Variants in GARIN2 observed in about 807,000 individuals in gnomAD.
GARIN2 encodes Golgi-associated RAB2 interactor protein 2.
At chr14:67,201,563 C>T in the GARIN2 span, 3 of 455,376 alleles carry the variant, frequency 6.6e-6, no homozygotes, top group Non-Finnish European at 1.3e-5. Flanking sequence ...AGGATACCTC[C>T]TGTATGTCTT....
chr14:67,219,063 G>A, the GARIN2 span, among the ~76,000 whole-genome samples: 34 of 152,028 alleles, frequency 2.2e-4, no homozygotes, highest in African/African-American at 8.2e-4. Context: ...TCCAGAGGTG[G>A]CTCTGGTCTC....
chr14:67,225,780 G>A, the GARIN2 span, among the ~76,000 whole-genome samples: 8 of 152,202 alleles, frequency 5.3e-5, no homozygotes, highest in African/African-American at 1.4e-4. Flanking sequence ...AAGTTTGTTC[G>A]AAACACCAGC....
chr14:67,226,470 C>T, the GARIN2 span, among the ~76,000 whole-genome samples: 1 of 152,248 alleles, frequency 6.6e-6, no homozygotes. Context: ...AAGAGATTCT[C>T]CTGCTTCAGC....
the GARIN2 span, chr14:67,204,467 A>T: frequency 1.4e-6 from 2 of 1,463,778 alleles, no homozygotes; most frequent in Non-Finnish European, 1.8e-6. Flanking sequence ...ATATATATAT[A>T]TATAAGAAAG....
chr14:67,221,928 T>A, the GARIN2 span: 1 of 1,229,620 alleles, frequency 8.1e-7, no homozygotes, highest in Admixed American at 2.4e-5. Context: ...TTTGATGCAT[T>A]TCCTTTCTTC....
chr14:67,189,759 C>A, the GARIN2 span: 1 of 151,776 alleles, frequency 6.6e-6, no homozygotes, highest in African/African-American at 2.4e-5. Context: ...CACCTGGTGA[C>A]TGCTTTTCTT....
At chr14:67,209,853 T>G in the GARIN2 span, among the ~76,000 whole-genome samples, 1 of 147,104 alleles carries the variant, frequency 6.8e-6, no homozygotes, top group Non-Finnish European at 1.5e-5. Context: ...CGAAAAAGTA[T>G]AATAGATTAC....
At chr14:67,222,698 C>G in the GARIN2 span, among the ~76,000 whole-genome samples, 1 of 152,154 alleles carries the variant, frequency 6.6e-6, no homozygotes, top group Non-Finnish European at 1.5e-5. Context: ...ATAGGCACCT[C>G]TTATAGGTTG....
At chr14:67,193,731 C>T in the GARIN2 span, among the ~76,000 whole-genome samples, 9 of 146,360 alleles carry the variant, frequency 6.1e-5, no homozygotes, top group African/African-American at 2.3e-4. Context: ...TCACTTGAGC[C>T]CAGGAGTTTG....
chr14:67,199,702 A>C, the GARIN2 span: 1 of 1,582,614 alleles, frequency 6.3e-7, no homozygotes, highest in Non-Finnish European at 8.7e-7. Context: ...TTGCAGATGC[A>C]CCTCCTTCAC....
the GARIN2 span, among the ~76,000 whole-genome samples, chr14:67,213,739 C>T: frequency 6.6e-6 from 1 of 152,192 alleles, no homozygotes. Flanking sequence ...GGAATCGCCA[C>T]ACTGACTTCC....
At chr14:67,208,302 C>T in the GARIN2 span, 1 of 1,613,956 alleles carries the variant, frequency 6.2e-7, no homozygotes, top group Non-Finnish European at 8.5e-7. Context: ...TCAAACATAA[C>T]ACTGACTTTT....
the GARIN2 span, chr14:67,196,769 TCAA>T: frequency 6.6e-6 from 1 of 152,254 alleles, no homozygotes; most frequent in Non-Finnish European, 1.5e-5. Context: ...GTGAGGATCA[TCAA>T]CAACAGCTCA....
chr14:67,190,968 T>C, the GARIN2 span, among the ~76,000 whole-genome samples: 1 of 152,186 alleles, frequency 6.6e-6, no homozygotes, highest in Non-Finnish European at 1.5e-5. Flanking sequence ...GTGCAGTGGC[T>C]CATGCCTGTA....
the GARIN2 span, among the ~76,000 whole-genome samples, chr14:67,191,525 A>G: frequency 2.4e-4 from 36 of 152,178 alleles, no homozygotes; most frequent in African/African-American, 8.4e-4. Flanking sequence ...CCCAATGGCC[A>G]TGAACACTCA....
the GARIN2 span, among the ~76,000 whole-genome samples, chr14:67,209,773 G>C: frequency 2.0e-5 from 3 of 147,840 alleles, no homozygotes; most frequent in African/African-American, 7.5e-5. Flanking sequence ...AGCCGAGATC[G>C]TGCCATTAAA....
At chr14:67,215,322 G>C in the GARIN2 span, among the ~76,000 whole-genome samples, 1 of 152,002 alleles carries the variant, frequency 6.6e-6, no homozygotes, top group Non-Finnish European at 1.5e-5. Context: ...GGGAATTGCT[G>C]TTATCACCTA....
chr14:67,225,374 G>A, the GARIN2 span: 1 of 654,008 alleles, frequency 1.5e-6, no homozygotes, highest in Non-Finnish European at 2.3e-6. Context: ...TTATTCTACT[G>A]TAGTAACAAT....
At chr14:67,225,242 A>T in the GARIN2 span, 1 of 1,521,334 alleles carries the variant, frequency 6.6e-7, no homozygotes, top group Non-Finnish European at 8.8e-7. Context: ...AAGTTGATGG[A>T]AAAACATGTA....
Sources: gnomAD v4.1 joint callset for allele counts (sites outside exome capture counted in the v4.1 genomes callset) on GRCh38, gnomAD v4.1.1 for gene constraint, MANE v1.5 for transcripts, NCBI Gene and HGNC (gene_info 2026-07-23, HGNC 2026-07-21) for gene names.